The following HS6ST3 variants were observed in gnomAD, a reference collection of about 807,000 sequenced individuals.
HS6ST3 encodes the protein heparan sulfate 6-O-sulfotransferase 3, also known as heparan-sulfate 6-O-sulfotransferase 3.
Under a neutral mutation model 36.7 loss-of-function variants are expected in HS6ST3, and 12 were observed. The observed-to-expected ratio is 0.33, with a 90% CI of 0.21 to 0.53. The LOEUF is 0.53. Among genes scored for constraint, HS6ST3 ranks in the 20% least tolerant of loss-of-function variants. The probability of loss-of-function intolerance (pLI) is 0.95; values close to 1 mark genes in which losing one functional copy is unlikely to be tolerated. For missense variants in HS6ST3, 584 were observed against 640.9 expected, an observed-to-expected ratio of 0.91 and a Z score of 0.96; for synonymous variants, 240 against 257.5, an observed-to-expected ratio of 0.93 and a Z score of 0.65.
chr13:96,411,708 GTTAGGT>G (rs1485176271), intron 1 of HS6ST3, among the ~76,000 whole-genome samples: 1 of 152,212 alleles, frequency 6.6e-6, no homozygotes, highest in Non-Finnish European at 1.5e-5. Flanking sequence ...AGGGCAATTA[GTTAGGT>G]ATTGCAGACA....
chr13:96,177,493 C>G (rs776091298), intron 1 of HS6ST3, among the ~76,000 whole-genome samples: 2 of 152,030 alleles, frequency 1.3e-5, no homozygotes, highest in Non-Finnish European at 2.9e-5. Flanking sequence ...AAGCTAGAGG[C>G]CATTATCCTT....
chr13:96,755,280 G>C (rs1047658935), intron 1 of HS6ST3, among the ~76,000 whole-genome samples: 2 of 151,862 alleles, frequency 1.3e-5, no homozygotes, highest in African/African-American at 4.8e-5. Flanking sequence ...TGTTTGCCTT[G>C]TTTTTTCATA....
intron 1 of HS6ST3, among the ~76,000 whole-genome samples, chr13:96,380,573 C>T (rs2055336206): frequency 6.6e-6 from 1 of 152,082 alleles, no homozygotes; most frequent in Non-Finnish European, 1.5e-5. Flanking sequence ...GCCTAGCACA[C>T]TTTGTTAAGA....
chr13:96,559,265 C>T (rs1056321177), intron 1 of HS6ST3, among the ~76,000 whole-genome samples: 4 of 151,948 alleles, frequency 2.6e-5, no homozygotes, highest in Non-Finnish European at 4.4e-5. Flanking sequence ...TATAGACGCC[C>T]CCCCCACCAC....
At chr13:96,437,847 C>A (rs746348635) in intron 1 of HS6ST3, among the ~76,000 whole-genome samples, 5 of 152,282 alleles carry the variant, frequency 3.3e-5, no homozygotes, top group South Asian at 4.1e-4. Flanking sequence ...TTCTCAGTAA[C>A]CCAACTGGGG....
chr13:96,745,766 C>T (rs1234016854), intron 1 of HS6ST3, among the ~76,000 whole-genome samples: 1 of 152,064 alleles, frequency 6.6e-6, no homozygotes, highest in Non-Finnish European at 1.5e-5. Flanking sequence ...GATATGCACT[C>T]CTAGAGCTTT....
At chr13:96,676,238 A>T (rs1322751606) in intron 1 of HS6ST3, among the ~76,000 whole-genome samples, 1 of 152,024 alleles carries the variant, frequency 6.6e-6, no homozygotes, top group African/African-American at 2.4e-5. Context: ...TGGTGTGTAG[A>T]TGGCCATCGT....
chr13:96,453,589 T>C (rs1247053498), intron 1 of HS6ST3, among the ~76,000 whole-genome samples: 1 of 152,186 alleles, frequency 6.6e-6, no homozygotes, highest in Non-Finnish European at 1.5e-5. Context: ...CCCTAGGTAG[T>C]ACACCCATGG....
chr13:96,500,755 A>G (rs1347845868), intron 1 of HS6ST3, among the ~76,000 whole-genome samples: 5 of 152,180 alleles, frequency 3.3e-5, no homozygotes, highest in Admixed American at 6.5e-5. Context: ...TGTGACATGT[A>G]TTTTCTAGAG....
chr13:96,266,471 T>C (rs531242594), intron 1 of HS6ST3, among the ~76,000 whole-genome samples: 24 of 152,290 alleles, frequency 1.6e-4, no homozygotes, highest in Non-Finnish European at 2.9e-4. Context: ...CTTTACACAG[T>C]AGATATGTGT....
intron 1 of HS6ST3, among the ~76,000 whole-genome samples, chr13:96,348,703 C>T (rs187194058): frequency 3.9e-4 from 60 of 152,214 alleles, no homozygotes; most frequent in African/African-American, 1.2e-3. Context: ...TGGAATAGCC[C>T]GGCTTCAGAG....
At chr13:96,563,638 A>G (rs1442098414) in intron 1 of HS6ST3, among the ~76,000 whole-genome samples, 1 of 152,216 alleles carries the variant, frequency 6.6e-6, no homozygotes, top group Non-Finnish European at 1.5e-5. Context: ...CTTACTGGCA[A>G]AAGCTGTAAT....
In HS6ST3 at chr13:96,090,830, C is replaced by G; in HGVS notation, c.-33C>G. 9.6e-6 allele frequency: 14 copies of G among 1,464,764 alleles called. No individual in the cohort carries two copies. Among genetic ancestry groups the G allele is most frequent in the Non-Finnish European group, 1.2e-5 (13 of 1,103,196 alleles). 90.7% of individuals were successfully genotyped at this position (1,464,764 alleles called of 1,614,324 possible). A position where few individuals can be genotyped will look rare whatever the true frequency, so the allele number is the denominator to read the frequency against. On this transcript the variant is annotated 5_prime_UTR_variant, in exon 1 of 2. Transcript: ENST00000376705. ...CCGTCCGCCCTGCCGCCGCCGCCGC[C>G]GCCGCTTCGCCTGCCGGCCTGAGAG... is the stretch of plus-strand genomic sequence containing the variant.
At chr13:96,515,013 TA>T (rs2056066697) in intron 1 of HS6ST3, among the ~76,000 whole-genome samples, 1 of 152,194 alleles carries the variant, frequency 6.6e-6, no homozygotes, top group African/African-American at 2.4e-5. Flanking sequence ...GATTATGCAC[TA>T]AAAACAAAGT....
chr13:96,681,200 A>G (rs1310507962), intron 1 of HS6ST3, among the ~76,000 whole-genome samples: 1 of 152,190 alleles, frequency 6.6e-6, no homozygotes. Flanking sequence ...TAACTACAAA[A>G]CTATGCTTTA....
At chr13:96,107,469 T>G (rs1341392875) in intron 1 of HS6ST3, among the ~76,000 whole-genome samples, 2 of 152,024 alleles carry the variant, frequency 1.3e-5, no homozygotes, top group Non-Finnish European at 2.9e-5. Flanking sequence ...GAATGTAGAG[T>G]TGGACCTCCT....
chr13:96,447,804 C>G (rs1056705346), intron 1 of HS6ST3, among the ~76,000 whole-genome samples: 5 of 152,204 alleles, frequency 3.3e-5, no homozygotes, highest in African/African-American at 1.2e-4. Flanking sequence ...GGAGTTTCCT[C>G]TCTTGGCTTT....
At chr13:96,662,990 G>A (rs757257127) in intron 1 of HS6ST3, among the ~76,000 whole-genome samples, 6 of 152,166 alleles carry the variant, frequency 3.9e-5, no homozygotes, top group Admixed American at 6.5e-5. Context: ...CAGGTAGTGG[G>A]CTGGTCTGTG....
chr13:96,390,752 T>C (rs2055391345), intron 1 of HS6ST3, among the ~76,000 whole-genome samples: 1 of 152,198 alleles, frequency 6.6e-6, no homozygotes, highest in South Asian at 2.1e-4. Flanking sequence ...CCTTACTCTT[T>C]CTGGGCAGCT....
Sources: gnomAD v4.1 joint callset for allele counts (sites outside exome capture counted in the v4.1 genomes callset) on GRCh38, gnomAD v4.1.1 for gene constraint, MANE v1.5 for transcripts, NCBI Gene and HGNC (gene_info 2026-07-23, HGNC 2026-07-21) for gene names.